Variants in DMD observed in about 807,000 individuals in gnomAD.
DMD encodes the protein dystrophin.
In DMD, 63 loss-of-function variants were observed where a neutral mutation model predicts 330.1. That is an observed-to-expected ratio of 0.19 (90% confidence interval 0.16 to 0.24). The LOEUF (loss-of-function observed/expected upper bound fraction) is 0.24, where lower values mean the gene tolerates loss of function less well. DMD is among the 10% of genes least tolerant of loss of function. DMD has a pLI of 1.00. For synonymous variants in DMD, 1,223 were observed against 959.8 expected (o/e 1.27, Z -5.07); for missense variants, 3,344 against 2,684.1 (o/e 1.25, Z -5.43).
intron 2 of DMD, among the ~76,000 whole-genome samples, chrX:32,853,247 T>A (rs2081277202): frequency 8.9e-6 from 1 of 111,786 alleles, no homozygotes; most frequent in South Asian, 3.8e-4. Flanking sequence ...GGACCTTAAC[T>A]AGCCAGAAAA....
intron 25 of DMD, among the ~76,000 whole-genome samples, chrX:32,462,226 T>C (rs755304251): frequency 2.2e-4 from 24 of 111,432 alleles, no homozygotes; most frequent in African/African-American, 7.5e-4. Flanking sequence ...TACATACCTA[T>C]AAAATTTAAT....
intron 50 of DMD, among the ~76,000 whole-genome samples, chrX:31,782,297 T>A (rs866761026): frequency 6.3e-5 from 7 of 111,330 alleles, no homozygotes; most frequent in South Asian, 3.8e-4. Flanking sequence ...TTGTTTCGGC[T>A]AATGAGGTAT....
At chrX:32,836,697 T>G (rs2079666178) in intron 4 of DMD, among the ~76,000 whole-genome samples, 1 of 111,860 alleles carries the variant, frequency 8.9e-6, no homozygotes, top group Non-Finnish European at 1.9e-5. Flanking sequence ...TCATATGGAA[T>G]GCTTTTTCCT....
intron 55 of DMD, among the ~76,000 whole-genome samples, chrX:31,558,164 T>C (rs1258439821): frequency 8.9e-6 from 1 of 112,287 alleles, no homozygotes; most frequent in African/African-American, 3.2e-5. Context: ...AGTGCCAATA[T>C]ATGAATAATA....
At chrX:32,418,293 G>C (rs16998301) in intron 29 of DMD, among the ~76,000 whole-genome samples, 1 of 110,565 alleles carries the variant, frequency 9.0e-6, no homozygotes, top group East Asian at 2.9e-4. Context: ...AGGCAAAGGA[G>C]AATGATAGAC....
rs893224861 is a variant in DMD, at chrX:32,981,020, C to T, written c.93+39119G>A. ...AAGCCATACCTACTCAATTCCTCCT[C>T]CAAAAATCAGGGTAGATGGTTCATT... On this transcript the variant is annotated intron_variant, in intron 2 of 78. Coordinates refer to ENST00000357033, the MANE Select transcript of DMD (RefSeq NM_004006.3). Among the ~76,000 whole-genome samples, 120 of 111,378 alleles carry T rather than the reference C, an allele frequency of 1.1e-3. 2 individuals carry two copies. In the Admixed American group the frequency reaches 0.012, roughly 11 times the overall value.
At chrX:32,022,079 C>T (rs1469003224) in intron 44 of DMD, among the ~76,000 whole-genome samples, 1 of 111,443 alleles carries the variant, frequency 9.0e-6, no homozygotes, top group East Asian at 2.8e-4. Context: ...GTATACATTA[C>T]CTCAATCATT....
chrX:32,465,202 G>C (rs189385136), intron 23 of DMD, among the ~76,000 whole-genome samples: 1 of 111,846 alleles, frequency 8.9e-6, no homozygotes, highest in African/African-American at 3.2e-5. Context: ...CAGAGCTTTT[G>C]CTTTTATTTG....
chrX:32,082,787 AG>A (rs1328546920), intron 44 of DMD, among the ~76,000 whole-genome samples: 2 of 111,916 alleles, frequency 1.8e-5, no homozygotes, highest in Admixed American at 1.9e-4. Context: ...TGTAAATTGA[AG>A]ACCTAAAGGA....
At chrX:31,351,159 T>TACAC (rs3061695) in intron 60 of DMD, among the ~76,000 whole-genome samples, 4,267 of 105,089 alleles carry the variant, frequency 0.041, 93 homozygotes, top group African/African-American at 0.065. Flanking sequence ...CATACATATA[T>TACAC]ACACACACAC....
chrX:32,927,802 T>C (rs1444514297), intron 2 of DMD, among the ~76,000 whole-genome samples: 2 of 111,089 alleles, frequency 1.8e-5, no homozygotes, highest in Non-Finnish European at 3.8e-5. Flanking sequence ...TCTGATAATC[T>C]GATATTCAAG....
At chrX:31,210,272 A>G (rs1201912095) in intron 64 of DMD, among the ~76,000 whole-genome samples, 1 of 111,865 alleles carries the variant, frequency 8.9e-6, no homozygotes, top group Non-Finnish European at 1.9e-5. Flanking sequence ...AAAATTTTCT[A>G]TAGGCAAACT....
chrX:31,973,718 G>A (rs1437486592), intron 44 of DMD, among the ~76,000 whole-genome samples: 1 of 111,483 alleles, frequency 9.0e-6, no homozygotes, highest in Non-Finnish European at 1.9e-5. Flanking sequence ...CTTTCTAGAG[G>A]ACTTTTAAGA....
intron 59 of DMD, among the ~76,000 whole-genome samples, chrX:31,445,086 T>A (rs1257003339): frequency 8.9e-6 from 1 of 111,954 alleles, no homozygotes; most frequent in Non-Finnish European, 1.9e-5. Flanking sequence ...TTATAGCAGC[T>A]GGAACAGACT....
intron 19 of DMD, among the ~76,000 whole-genome samples, chrX:32,499,024 G>T (rs950297389): frequency 8.9e-5 from 10 of 111,761 alleles, no homozygotes; most frequent in Non-Finnish European, 1.3e-4. Context: ...ATGCTTCATA[G>T]ACATTTAGAA....
chrX:32,921,612 C>T (rs2088413983), intron 2 of DMD, among the ~76,000 whole-genome samples: 1 of 111,516 alleles, frequency 9.0e-6, no homozygotes, highest in African/African-American at 3.3e-5. Context: ...GCAATGCCAG[C>T]ACCCCCAGTA....
At chrX:32,718,919 A>G (rs905070410) in intron 7 of DMD, among the ~76,000 whole-genome samples, 4 of 112,276 alleles carry the variant, frequency 3.6e-5, no homozygotes, top group Non-Finnish European at 7.5e-5. Context: ...GTAAATAGTT[A>G]ATAACCTTCC....
At chrX:32,606,758 T>C (rs2056752264) in intron 12 of DMD, among the ~76,000 whole-genome samples, 1 of 106,088 alleles carries the variant, frequency 9.4e-6, no homozygotes, top group Admixed American at 1.0e-4. Flanking sequence ...CACACATACA[T>C]ATATATACAC....
chrX:33,079,557 A>G (rs2094895808), intron 1 of DMD, among the ~76,000 whole-genome samples: 1 of 111,643 alleles, frequency 9.0e-6, no homozygotes, highest in Admixed American at 9.6e-5. Context: ...ATAGCCCCCA[A>G]AAAGCCAAAC....
Sources: allele counts gnomAD v4.1 joint callset (sites outside exome capture counted in the v4.1 genomes callset), GRCh38; gene constraint gnomAD v4.1.1; transcripts MANE v1.5; gene names NCBI Gene and HGNC (gene_info 2026-07-23, HGNC 2026-07-21).